ATOH8: variants seen among roughly 807,000 people sequenced by gnomAD.
The protein encoded by ATOH8 is transcription factor ATOH8.
Under a neutral mutation model 21.2 loss-of-function variants are expected in ATOH8, and 9 were observed. That is an observed-to-expected ratio of 0.42 (90% CI 0.26 to 0.74). The LOEUF (loss-of-function observed/expected upper bound fraction) is 0.74. Ranked by LOEUF, ATOH8 falls within the 30% of genes least tolerant of loss-of-function variation. ATOH8 has a pLI of 0.24. For missense variants in ATOH8, 524 were observed against 470.9 expected (o/e 1.11, Z -1.04); for synonymous variants, 253 against 224.0 (o/e 1.13, Z -1.16).
chr2:85,782,521 A>G (rs1167151293), intron 2 of ATOH8, among the ~76,000 whole-genome samples: 1 of 152,218 alleles, frequency 6.6e-6, no homozygotes, highest in Non-Finnish European at 1.5e-5. Flanking sequence ...CAGGGTTCAT[A>G]ACAATTACCA....
chr2:85,772,293 G>A (rs1291799830), intron 2 of ATOH8, among the ~76,000 whole-genome samples: 1 of 152,252 alleles, frequency 6.6e-6, no homozygotes, highest in African/African-American at 2.4e-5. Context: ...GCAGCTGGGA[G>A]CGCGCCTGGT....
At chr2:85,765,649 T>C (rs1347433880) in intron 2 of ATOH8, among the ~76,000 whole-genome samples, 1 of 152,074 alleles carries the variant, frequency 6.6e-6, no homozygotes, top group East Asian at 1.9e-4. Flanking sequence ...GAGGTGTAGA[T>C]GGGCAGAGTG....
At chr2:85,758,627 G>A (rs1428905453) in intron 1 of ATOH8, among the ~76,000 whole-genome samples, 1 of 152,236 alleles carries the variant, frequency 6.6e-6, no homozygotes, top group African/African-American at 2.4e-5. Context: ...CTCTCAACCA[G>A]GAAGGGAGCA....
chr2:85,781,822 G>A (rs974129858), intron 2 of ATOH8, among the ~76,000 whole-genome samples: 3 of 152,064 alleles, frequency 2.0e-5, no homozygotes, highest in African/African-American at 4.8e-5. Flanking sequence ...AGGTGGCAGT[G>A]AGCCTTGTTT....
rs1398289133 is a variant in ATOH8 at position 85,785,919 on chromosome 2, A to G, written c.961-966A>G. Reference sequence around the variant, plus strand: ...TTGTACCAGGTTCAGGGACTTTGTTATTTTTCATCCTGGGTGGATCTGGAG... The same window carrying G: ...TTGTACCAGGTTCAGGGACTTTGTTGTTTTTCATCCTGGGTGGATCTGGAG... On this transcript the variant is annotated intron_variant, in intron 2 of 2. Transcript: ENST00000306279. The surrounding 1 kb of genome is among the most constrained non-coding windows in gnomAD (Gnocchi z 4.1). Among the ~76,000 whole-genome samples the G allele has an allele frequency of 1.3e-5, 2 of 151,906 alleles. No homozygotes were observed. The highest frequency in any genetic ancestry group is 4.8e-5 in the African/African-American group (2 of 41,326).
At chr2:85,781,197 T>C in intron 2 of ATOH8, 1 of 482,236 alleles carries the variant, frequency 2.1e-6, no homozygotes. Flanking sequence ...GAATAGCATA[T>C]GGGACAATAG....
chr2:85,770,783 T>C (rs1290667008), intron 2 of ATOH8, among the ~76,000 whole-genome samples: 1 of 152,124 alleles, frequency 6.6e-6, no homozygotes, highest in Non-Finnish European at 1.5e-5. Context: ...TCACACTCTC[T>C]GCCCCTTTCC....
In ATOH8 at chr2:85,754,291, G is replaced by A. The variant is rs565216046; in HGVS notation, c.102G>A (p.Ala34=). The A allele has an allele frequency of 8.1e-6, 13 of 1,610,136 alleles. No homozygotes were observed. The South Asian group carries it at 1.2e-4, about 15-fold the overall frequency. The change falls in exon 1 of 3, where the codon GCG becomes GCA. Residue 34 remains alanine, a synonymous_variant. Transcript: ENST00000306279. Reference sequence around the variant, plus strand: ...TCAAGCGGAAAGGCAAGGAGCCGGCGCGGCGCGCGAACGGCTATAAAACTT... The same window carrying A: ...TCAAGCGGAAAGGCAAGGAGCCGGCACGGCGCGCGAACGGCTATAAAACTT... The part of the protein sequence containing the change: ...KKLKRKGKEP[A]RRANGYKTFR...
At chr2:85,777,193 T>C (rs991562109) in intron 2 of ATOH8, among the ~76,000 whole-genome samples, 5 of 152,124 alleles carry the variant, frequency 3.3e-5, no homozygotes, top group Admixed American at 1.3e-4. Flanking sequence ...AGCTAAACTA[T>C]AGAAAGGCTA....
chr2:85,755,228 A>G (rs751519142), intron 1 of ATOH8, among the ~76,000 whole-genome samples: 2 of 152,132 alleles, frequency 1.3e-5, no homozygotes, highest in African/African-American at 2.4e-5. Context: ...TTCAGCCTCC[A>G]TAGTTCACTT....
At chr2:85,773,201 A>G in intron 2 of ATOH8, 1 of 209,770 alleles carries the variant, frequency 4.8e-6, no homozygotes, top group Non-Finnish European at 9.7e-6. Context: ...CTTCACGGAG[A>G]TGTTCTGGGA....
intron 1 of ATOH8, among the ~76,000 whole-genome samples, chr2:85,759,045 C>G (rs1174424263): frequency 6.6e-6 from 1 of 152,222 alleles, no homozygotes; most frequent in African/African-American, 2.4e-5. Context: ...GCCCCGGCTT[C>G]TGCCGTGGTC....
rs753127317 is a variant in ATOH8 at position 85,788,177 on chromosome 2, C to G, written c.*1287C>G. ...CTACAGGTTGAGAGCCCTTCAGGAT[C>G]AGGCGCTGTCCGAGTGAGAGTGTGT... On this transcript the variant is annotated 3_prime_UTR_variant, in exon 3 of 3. Coordinates refer to ENST00000306279, the MANE Select transcript of ATOH8 (RefSeq NM_032827.7). The G allele has an allele frequency of 6.6e-6, 1 of 152,110 alleles. No individual in the cohort carries two copies. The highest frequency in any genetic ancestry group is 1.5e-5 in the Non-Finnish European group (1 of 68,068). The allele number at this position is 152,110 out of a possible 1,614,324, so 9.4% of individuals were successfully genotyped here. A position where few individuals can be genotyped will look rare whatever the true frequency, so the allele number is the denominator to read the frequency against.
At chr2:85,763,323 A>G (rs1423748519) in intron 1 of ATOH8, among the ~76,000 whole-genome samples, 2 of 152,310 alleles carry the variant, frequency 1.3e-5, no homozygotes, top group Admixed American at 1.3e-4. Context: ...TTGGTGATGA[A>G]TCATTGACAA....
chr2:85,769,389 G>C (rs915693325), intron 2 of ATOH8, among the ~76,000 whole-genome samples: 1 of 152,200 alleles, frequency 6.6e-6, no homozygotes, highest in Non-Finnish European at 1.5e-5. Flanking sequence ...AGACCCCCCC[G>C]GGTGGTGTGC....
At chr2:85,773,095 TAA>T (rs141732318) in intron 2 of ATOH8, 15,313 of 353,754 alleles carry the variant, frequency 0.043, 413 homozygotes, top group Middle Eastern at 0.07. Flanking sequence ...TCACCCTGAA[TAA>T]ACCCCATGCA....
chr2:85,758,758 C>T (rs1436289175), intron 1 of ATOH8, among the ~76,000 whole-genome samples: 11 of 152,218 alleles, frequency 7.2e-5, no homozygotes, highest in Non-Finnish European at 1.0e-4. Context: ...ATGCCACCAG[C>T]GCAGCTGCAC....
chr2:85,769,999 C>T lies in ATOH8; in HGVS notation c.960+5817C>T, dbSNP rs143181353. ...TCCTCTTTCTGCTTTAATGACTGACCCCTGTGTTACTTCTCAGGGCATTTC... is the reference window on the plus strand; with the variant it reads ...TCCTCTTTCTGCTTTAATGACTGACTCCTGTGTTACTTCTCAGGGCATTTC... On this transcript the variant is annotated intron_variant, in intron 2 of 2. Coordinates refer to ENST00000306279, the MANE Select transcript of ATOH8 (RefSeq NM_032827.7). Among the ~76,000 whole-genome samples the T allele has an allele frequency of 8.8e-3, 1,347 of 152,304 alleles. 12 individuals carry two copies. The highest frequency in any genetic ancestry group is 0.017 in the South Asian group (80 of 4,822).
chr2:85,774,871 T>A, intron 2 of ATOH8: 1 of 919,542 alleles, frequency 1.1e-6, no homozygotes, highest in Non-Finnish European at 1.3e-6. Context: ...GGAATGCCCT[T>A]CTCCACTGTC....
Sources: gnomAD v4.1 joint callset for allele counts (sites outside exome capture counted in the v4.1 genomes callset) on GRCh38, gnomAD v4.1.1 for gene constraint, Gnocchi (gnomAD v3.1) non-coding constraint, MANE v1.5 for transcripts, NCBI Gene and HGNC (gene_info 2026-07-23, HGNC 2026-07-21) for gene names.